Variants in DNAJB12 observed in about 807,000 individuals in gnomAD.
DNAJB12 encodes the protein DnaJ heat shock protein family (Hsp40) member B12, also known as dnaJ homolog subfamily B member 12.
In DNAJB12, 14 loss-of-function variants were observed where a neutral mutation model predicts 40.6. That is an observed-to-expected ratio of 0.34 (90% CI 0.23 to 0.54). The LOEUF is 0.54. Ranked by LOEUF, DNAJB12 falls within the 20% of genes least tolerant of loss-of-function variation. DNAJB12 has a pLI of 0.92. For missense variants in DNAJB12, 444 were observed against 501.7 expected, an observed-to-expected ratio of 0.89 and a Z score of 1.10; for synonymous variants, 181 against 199.5, an observed-to-expected ratio of 0.91 and a Z score of 0.78.
chr10:72,351,193 C>G (rs1396565935), intron 1 of DNAJB12, among the ~76,000 whole-genome samples: 3 of 152,198 alleles, frequency 2.0e-5, no homozygotes, highest in African/African-American at 7.2e-5. Context: ...AAGCCAATGG[C>G]TTACCAGGCT....
rs1589121039 is a variant in DNAJB12, at chr10:72,334,734, AC to A, written c.*31-118del. On this transcript the variant is annotated intron_variant, in intron 8 of 8. Transcript: ENST00000444643. ...ACCGCTGCACCGTGCTGCCCGCTCGACCCCCACCAACCCCACTTGCGGCCTG... is the reference window on the plus strand; with the variant it reads ...ACCGCTGCACCGTGCTGCCCGCTCGACCCCACCAACCCCACTTGCGGCCTG... 3.1e-5 allele frequency: 42 copies of A among 1,375,630 alleles called. No homozygotes were observed. The East Asian group carries it at 1.2e-3, about 41-fold the overall frequency. 85.2% of individuals were successfully genotyped at this position (1,375,630 alleles called of 1,614,324 possible). A position where few individuals can be genotyped will look rare whatever the true frequency, so the allele number is the denominator to read the frequency against.
At position 72,344,984 on chromosome 10, in the gene DNAJB12, C is replaced by T; in HGVS notation, c.277G>A (p.Gly93Ser). 6.2e-7 allele frequency: 1 copy of T among 1,614,218 alleles called. No individual in the cohort carries two copies. Among genetic ancestry groups the T allele is most frequent in the Non-Finnish European group, 8.5e-7 (1 of 1,180,036 alleles). ...GCTGCAACCTGTTCTGCAGTGTAGCCTTTGGTGCTCTCTCCTCCAGCTTCA... is the reference window on the plus strand; with the variant it reads ...GCTGCAACCTGTTCTGCAGTGTAGCTTTTGGTGCTCTCTCCTCCAGCTTCA... ...NGEAGGESTK[G>S]YTAEQVAAVK... The change falls in exon 2 of 9, where the codon GGC (glycine) becomes AGC (serine). Residue 93 changes from glycine (G) to serine (S), a missense_variant. Transcript: ENST00000444643.
chr10:72,354,420 G>A (rs565612827), intron 1 of DNAJB12: 8 of 274,638 alleles, frequency 2.9e-5, no homozygotes, highest in East Asian at 7.1e-5. Flanking sequence ...ACTGGCCTGG[G>A]CTACCGAACG....
intron 5 of DNAJB12, among the ~76,000 whole-genome samples, chr10:72,339,836 C>T (rs1452273976): frequency 6.6e-6 from 1 of 151,314 alleles, no homozygotes; most frequent in Non-Finnish European, 1.5e-5. Context: ...GCCTCAGCTT[C>T]CCGAGTAGGG....
At position 72,341,086 on chromosome 10, in the gene DNAJB12, G is replaced by T. The variant is rs375426252; in HGVS notation, c.542C>A (p.Ala181Asp). The T allele has an allele frequency of 3.7e-6, 6 of 1,614,198 alleles. No homozygotes were observed. Among genetic ancestry groups the T allele is most frequent in the Non-Finnish European group, 5.1e-6 (6 of 1,180,044 alleles). ...ATCCCCATGCCCATGGCCGTGCCGG[G>T]CCGCCTGGCTCTTGTCATCGCCGAA... ...DQFGDDKSQA[A>D]RHGHGHGDFH... Residue 181 changes from alanine (A) to aspartate (D), a missense_variant, in exon 4 of 9, where the codon GCC becomes GAC. Coordinates refer to ENST00000444643, the MANE Select transcript of DNAJB12 (RefSeq NM_017626.7).
At position 72,336,651 on chromosome 10, in the gene DNAJB12, G is replaced by A. The variant is rs201786974; in HGVS notation, c.879C>T (p.Val293=). The change falls in exon 7 of 9, where the codon GTC becomes GTT. Residue 293 remains valine, a synonymous_variant. Transcript: ENST00000444643. ...IHRRVTDHLG[V]VYYVGDTFSE... Reference sequence around the variant, plus strand: ...AGAAAGTGTCTCCCACATAGTAGACGACACCCAGGTGGTCAGTGACTCGCC... The same window carrying A: ...AGAAAGTGTCTCCCACATAGTAGACAACACCCAGGTGGTCAGTGACTCGCC... 281 of 1,614,102 alleles carry A rather than the reference G, an allele frequency of 1.7e-4. No homozygotes were observed. Among genetic ancestry groups the A allele is most frequent in the South Asian group, 5.7e-4 (52 of 91,080 alleles).
At chr10:72,348,371 T>A (rs1445206603) in intron 1 of DNAJB12, among the ~76,000 whole-genome samples, 1 of 152,028 alleles carries the variant, frequency 6.6e-6, no homozygotes, top group Non-Finnish European at 1.5e-5. Context: ...GGTAGTAAAA[T>A]CCTAAAGCCT....
rs909059800 is a variant in DNAJB12 at position 72,336,467 on chromosome 10, C to A, written c.1006+57G>T. The A allele has an allele frequency of 7.5e-5, 118 of 1,569,464 alleles. No homozygotes were observed. The East Asian group carries it at 2.6e-3, about 35-fold the overall frequency. On this transcript the variant is annotated intron_variant, in intron 7 of 8. Transcript: ENST00000444643. The stretch of plus-strand genomic sequence containing the variant: ...CAGGGCTCTCTCCTTCCCCTGCTTT[C>A]CAGCTTCATCCCAAGCCACCTCCCA...
Position 72,354,745 on chromosome 10 carries a change from C to T in DNAJB12, c.133+20G>A, listed in dbSNP as rs372313887. On this transcript the variant is annotated intron_variant, in intron 1 of 8. Coordinates refer to ENST00000444643, the MANE Select transcript of DNAJB12 (RefSeq NM_017626.7). ...CCATCAGTTCTAATGTCCCCAGTCT[C>T]TCCGGCACCTCACACTCACCGCGAA... is the stretch of plus-strand genomic sequence containing the variant. 6.9e-6 allele frequency: 11 copies of T among 1,601,952 alleles called. No homozygotes were observed. The African/African-American group carries it at 1.5e-4, about 21-fold the overall frequency.
chr10:72,335,840 C>G lies in DNAJB12; in HGVS notation c.1098G>C (p.Leu366=). ...QKMGTPSCSR[L]SEVQASLHG ...CATGCAGGGAGGCCTGCACCTCTGA[C>G]AGTCGGCTGCAGCTGGGGGTGCCCA... Residue 366 remains leucine, a synonymous_variant, in exon 8 of 9, where the codon CTG becomes CTC. Coordinates refer to ENST00000444643, the MANE Select transcript of DNAJB12 (RefSeq NM_017626.7). This position sits in a 1 kb window ranked among gnomAD's most constrained non-coding sequence, Gnocchi z 4.4. The G allele has an allele frequency of 1.2e-6, 2 of 1,614,210 alleles. No homozygotes were observed. The highest frequency in any genetic ancestry group is 8.5e-7 in the Non-Finnish European group (1 of 1,180,028).
Position 72,338,193 on chromosome 10 carries a change from T to C in DNAJB12, c.833+9A>G, listed in dbSNP as rs1176753076. On this transcript the variant is annotated intron_variant, in intron 6 of 8. Coordinates refer to ENST00000444643, the MANE Select transcript of DNAJB12 (RefSeq NM_017626.7). Reference sequence around the variant, plus strand: ...TCTGCCCATGGCCCGGCCTCACCCATGTACTCACGGTCTTGGACTCAGACT... The same window carrying C: ...TCTGCCCATGGCCCGGCCTCACCCACGTACTCACGGTCTTGGACTCAGACT... 5.6e-6 allele frequency: 9 copies of C among 1,612,394 alleles called. No homozygotes were observed. Among genetic ancestry groups the C allele is most frequent in the Non-Finnish European group, 7.6e-6 (9 of 1,178,628 alleles).
At chr10:72,340,198 G>T (rs1185198444) in intron 5 of DNAJB12, among the ~76,000 whole-genome samples, 1 of 151,822 alleles carries the variant, frequency 6.6e-6, no homozygotes, top group Non-Finnish European at 1.5e-5. Context: ...TACAAAATTA[G>T]CCGGGGGTGG....
chr10:72,352,491 T>A (rs750455189), intron 1 of DNAJB12, among the ~76,000 whole-genome samples: 1 of 152,186 alleles, frequency 6.6e-6, no homozygotes, highest in East Asian at 1.9e-4. Context: ...ATTATTTTTA[T>A]GCACTTGCTA....
chr10:72,350,614 T>C (rs1861912626), intron 1 of DNAJB12, among the ~76,000 whole-genome samples: 1 of 151,888 alleles, frequency 6.6e-6, no homozygotes, highest in African/African-American at 2.4e-5. Context: ...GACCGTGACT[T>C]TGTTAGTAAG....
rs780622006 is a variant in DNAJB12, at chr10:72,340,853, T to C, written c.659A>G (p.Tyr220Cys). The C allele has an allele frequency of 1.2e-6, 2 of 1,614,142 alleles. No homozygotes were observed. Among genetic ancestry groups the C allele is most frequent in the Admixed American group, 1.7e-5 (1 of 60,024 alleles). The change falls in exon 5 of 9, where the codon TAC becomes TGC. Residue 220 changes from tyrosine (Y) to cysteine (C), a missense_variant. By Grantham distance (194) the Tyr-to-Cys change is radical. Coordinates refer to ENST00000444643, the MANE Select transcript of DNAJB12 (RefSeq NM_017626.7). ...GGTATAGCGCATGCGGCCGTTGCTG[T>C]AGACGTGGACGTTACCTGGGGGTCA... ...GGFPSSNVHV[Y>C]SNGRMRYTYQ...
intron 3 of DNAJB12, 93 bp downstream of exon 3, chr10:72,343,273 C>G (rs773002033): frequency 5.6e-5 from 84 of 1,491,100 alleles, no homozygotes; most frequent in Non-Finnish European, 7.2e-5. Flanking sequence ...CCTCCTGCTC[C>G]CTGCTTCCTG....
At position 72,333,167 on chromosome 10, in the gene DNAJB12, AAG is replaced by A. The variant is rs1861362999; in HGVS notation, c.*1479_*1480del. On this transcript the variant is annotated 3_prime_UTR_variant, in exon 9 of 9. Coordinates refer to ENST00000444643, the MANE Select transcript of DNAJB12 (RefSeq NM_017626.7). The stretch of plus-strand genomic sequence containing the variant: ...CTATTTGTTGGGGGACTTTTAAAAA[AAG>A]AGCCGAGAGAAACTCTGGGAGGGTG... 6.6e-6 allele frequency: 1 copy of A among 152,198 alleles called. No homozygotes were observed. The allele number at this position is 152,198 out of a possible 1,614,324, so 9.4% of individuals were successfully genotyped here.
chr10:72,334,908 G>C (rs1158892402), intron 8 of DNAJB12: 1 of 1,237,420 alleles, frequency 8.1e-7, no homozygotes, highest in Non-Finnish European at 1.0e-6. Flanking sequence ...ACACTTCTCT[G>C]GGCTTGGCTG....
intron 1 of DNAJB12, among the ~76,000 whole-genome samples, chr10:72,350,623 A>C (rs946991101): frequency 6.6e-6 from 1 of 152,110 alleles, no homozygotes; most frequent in African/African-American, 2.4e-5. Context: ...TTTGTTAGTA[A>C]GTGAGTAGCT....
Sources: gnomAD v4.1 joint callset for allele counts (sites outside exome capture counted in the v4.1 genomes callset) on GRCh38, gnomAD v4.1.1 for gene constraint, Gnocchi (gnomAD v3.1) non-coding constraint, MANE v1.5 for transcripts, NCBI Gene and HGNC (gene_info 2026-07-23, HGNC 2026-07-21) for gene names.